The following PDCD6 variants were observed in gnomAD, a reference collection of about 807,000 sequenced individuals.
The protein encoded by PDCD6 is programmed cell death protein 6.
PDCD6 carries 12 observed loss-of-function variants against 28.3 expected under a neutral mutation model. That is an observed-to-expected ratio of 0.42 (90% CI 0.27 to 0.69). The LOEUF (loss-of-function observed/expected upper bound fraction) is 0.69. Among genes scored for constraint, PDCD6 ranks in the 30% least tolerant of loss-of-function variants. The pLI, the probability that PDCD6 is intolerant of heterozygous loss-of-function variation, is 0.22. For synonymous variants in PDCD6, 92 were observed against 108.0 expected, an observed-to-expected ratio of 0.85 and a Z score of 0.92; for missense variants, 226 against 269.9, an observed-to-expected ratio of 0.84 and a Z score of 1.14.
At chr5:309,956 G>GCCGTCCCCGTGCACACCAGTGATGGCCA (rs1740792072) in intron 4 of PDCD6, 1 of 172,560 alleles carries the variant, frequency 5.8e-6, no homozygotes, top group Admixed American at 7.6e-5. Context: ...AGTGATGGCC[G>GCCGTCCCCGTGCACACCAGTGATGGCCA]CCGTCCCCGT....
At chr5:276,807 CTGAT>C (rs1738225608) in intron 2 of PDCD6, 1 of 985,388 alleles carries the variant, frequency 1.0e-6, no homozygotes. Context: ...GGCCCATACA[CTGAT>C]TCCTTCATGA....
At chr5:303,984 G>A (rs1172751048) in intron 2 of PDCD6, among the ~76,000 whole-genome samples, 193 bp from the exon 3 acceptor site, 1 of 151,488 alleles carries the variant, frequency 6.6e-6, no homozygotes, top group Non-Finnish European at 1.5e-5. Flanking sequence ...ACACAGCAGG[G>A]TGTGAACCCA....
In PDCD6 at chr5:286,731, C is replaced by T. The variant is rs549917278; in HGVS notation, c.163+13959C>T. Among the ~76,000 whole-genome samples, 5 of 151,640 alleles carry T rather than the reference C, an allele frequency of 3.3e-5. No individual in the cohort carries two copies. The East Asian group carries it at 5.9e-4, about 18-fold the overall frequency. On this transcript the variant is annotated intron_variant, in intron 2 of 5. Coordinates refer to ENST00000264933, the MANE Select transcript of PDCD6 (RefSeq NM_013232.4). Reference sequence around the variant, plus strand: ...GGAGCTGATGTTCCCGTTTGAGGGCCGTGCAGGTGGAGACCTGGGGAGGAG... The same window carrying T: ...GGAGCTGATGTTCCCGTTTGAGGGCTGTGCAGGTGGAGACCTGGGGAGGAG...
At chr5:278,307 TAAATG>T (rs1455916521) in intron 2 of PDCD6, among the ~76,000 whole-genome samples, 6 of 152,082 alleles carry the variant, frequency 3.9e-5, no homozygotes, top group Non-Finnish European at 8.8e-5. Flanking sequence ...GATAGGGTGA[TAAATG>T]AGATCAACAA....
chr5:279,224 G>A (rs979256741), intron 2 of PDCD6, among the ~76,000 whole-genome samples: 1 of 152,044 alleles, frequency 6.6e-6, no homozygotes, highest in African/African-American at 2.4e-5. Context: ...TGACGCAGCC[G>A]CATCCTTGCC....
chr5:313,612 C>G (rs994087427), intron 5 of PDCD6: 4 of 152,268 alleles, frequency 2.6e-5, no homozygotes, highest in Non-Finnish European at 4.4e-5. Flanking sequence ...AGGCGAGAGT[C>G]ACCACACCCT....
intron 2 of PDCD6, among the ~76,000 whole-genome samples, chr5:275,287 G>A (rs544496942): frequency 2.6e-4 from 39 of 152,334 alleles, no homozygotes; most frequent in South Asian, 1.0e-3. Context: ...CTCAGCTTGT[G>A]CTGGGGGCAT....
chr5:300,353 C>T (rs62329990), intron 2 of PDCD6, among the ~76,000 whole-genome samples: 33,561 of 150,946 alleles, frequency 0.22, 4,452 homozygotes, highest in African/African-American at 0.48. Context: ...TGGAGGAATC[C>T]GGCGCACCCT....
intron 5 of PDCD6, among the ~76,000 whole-genome samples, chr5:312,763 T>C (rs1270409332): frequency 2.0e-5 from 3 of 151,362 alleles, no homozygotes; most frequent in African/African-American, 4.9e-5. Context: ...TGAGCCGAGA[T>C]CACACCACTG....
intron 2 of PDCD6, among the ~76,000 whole-genome samples, chr5:285,409 G>A (rs1408371933): frequency 1.3e-5 from 2 of 151,804 alleles, no homozygotes; most frequent in Non-Finnish European, 2.9e-5. Context: ...TGAGGGCCGT[G>A]CAGCTGGAGA....
intron 2 of PDCD6, among the ~76,000 whole-genome samples, chr5:275,521 G>A (rs998396641): frequency 6.6e-6 from 1 of 152,204 alleles, no homozygotes. Context: ...TTAAAGTCAG[G>A]TTGGTGGCTC....
chr5:272,062 TC>T (rs1386577739), intron 1 of PDCD6, among the ~76,000 whole-genome samples: 2 of 150,690 alleles, frequency 1.3e-5, no homozygotes, highest in Non-Finnish European at 2.9e-5. Flanking sequence ...CTGCCCGGTC[TC>T]CTGGGGCCGC....
intron 1 of PDCD6, among the ~76,000 whole-genome samples, chr5:272,370 G>A (rs1352713076): frequency 1.3e-5 from 2 of 149,106 alleles, no homozygotes. Context: ...CCGAATGTCC[G>A]AAACTGTAGT....
At chr5:274,777 CA>C (rs1359141095) in intron 2 of PDCD6, among the ~76,000 whole-genome samples, 1 of 152,180 alleles carries the variant, frequency 6.6e-6, no homozygotes, top group Non-Finnish European at 1.5e-5. Flanking sequence ...CCTGTATTTT[CA>C]CCAGAGGGAG....
intron 2 of PDCD6, among the ~76,000 whole-genome samples, chr5:297,615 G>C (rs200147879): frequency 2.6e-5 from 4 of 152,166 alleles, no homozygotes; most frequent in East Asian, 3.8e-4. Context: ...TTCCACACTT[G>C]CTGGGGGCTT....
At chr5:291,684 C>T (rs1466953369) in intron 2 of PDCD6, among the ~76,000 whole-genome samples, 5 of 149,904 alleles carry the variant, frequency 3.3e-5, no homozygotes, top group African/African-American at 9.8e-5. Context: ...TTCATTGCTG[C>T]GTGATCTCCC....
chr5:296,946 C>A (rs6879001), intron 2 of PDCD6, among the ~76,000 whole-genome samples: 1 of 150,636 alleles, frequency 6.6e-6, no homozygotes, highest in Non-Finnish European at 1.5e-5. Context: ...AGTTGAATCT[C>A]ATCTCAAGTT....
rs1362146514 is a variant in PDCD6, at chr5:294,585, T to A, written c.164-9592T>A. Among the ~76,000 whole-genome samples the A allele has an allele frequency of 1.1e-4, 16 of 152,334 alleles. No homozygotes were observed. The East Asian group carries it at 2.7e-3, about 26-fold the overall frequency. On this transcript the variant is annotated intron_variant, in intron 2 of 5. Coordinates refer to ENST00000264933, the MANE Select transcript of PDCD6 (RefSeq NM_013232.4). ...TGATGCAGAGGAACTGGGACCCTCA[T>A]AAGCTGCAGTGGGAATGGGAGGGGT...
intron 2 of PDCD6, chr5:290,186 C>A: frequency 1.3e-6 from 2 of 1,586,806 alleles, no homozygotes; most frequent in Non-Finnish European, 1.7e-6. Context: ...ATAAAATAGC[C>A]TTTAAATTGG....
Sources: gnomAD v4.1 joint callset for allele counts (sites outside exome capture counted in the v4.1 genomes callset) on GRCh38, gnomAD v4.1.1 for gene constraint, MANE v1.5 for transcripts, NCBI Gene and HGNC (gene_info 2026-07-23, HGNC 2026-07-21) for gene names.